The following ZC3H12B variants were observed in gnomAD, a reference collection of about 807,000 sequenced individuals.
ZC3H12B encodes zinc finger CCCH-type containing 12B.
In ZC3H12B, 7 loss-of-function variants were observed where a neutral mutation model predicts 43.9. The observed-to-expected ratio is 0.16, with a 90% CI of 0.09 to 0.30. The LOEUF is 0.30. ZC3H12B is among the 10% of genes least tolerant of loss of function. The probability of loss-of-function intolerance (pLI) is 1.00; values close to 1 mark genes in which losing one functional copy is unlikely to be tolerated. For missense variants in ZC3H12B, 475 were observed against 670.2 expected (o/e 0.71, Z 3.22); for synonymous variants, 222 against 241.7 (o/e 0.92, Z 0.76).
the ZC3H12B span, among the ~76,000 whole-genome samples, chrX:65,198,735 T>C: frequency 8.9e-6 from 1 of 111,974 alleles, no homozygotes; most frequent in South Asian, 3.7e-4. Context: ...GGATATTGAT[T>C]TCTTTCTCTA....
At chrX:65,489,979 G>A (rs760939580) in intron 1 of ZC3H12B, among the ~76,000 whole-genome samples, 3 of 111,524 alleles carry the variant, frequency 2.7e-5, no homozygotes, top group Non-Finnish European at 5.6e-5. Flanking sequence ...GAAGTGGCCT[G>A]CTTTGTATCT....
chrX:65,253,164 G>A, the ZC3H12B span, among the ~76,000 whole-genome samples: 2 of 111,853 alleles, frequency 1.8e-5, no homozygotes, highest in Non-Finnish European at 3.8e-5. Context: ...GAAGGCTCGT[G>A]AACTCAAACC....
chrX:65,371,254 A>T (rs745668208), intron 2 of ZC3H12B, among the ~76,000 whole-genome samples: 2 of 112,127 alleles, frequency 1.8e-5, no homozygotes, highest in Non-Finnish European at 3.8e-5. Context: ...TTACATTTTC[A>T]AAGTATTTTA....
chrX:65,158,806 G>C, the ZC3H12B span, among the ~76,000 whole-genome samples: 1 of 111,835 alleles, frequency 8.9e-6, no homozygotes, highest in Non-Finnish European at 1.9e-5. Context: ...TTTGGCTTTT[G>C]TTGCCATTGC....
chrX:65,490,899 G>A (rs930335003), intron 1 of ZC3H12B, among the ~76,000 whole-genome samples: 6 of 110,899 alleles, frequency 5.4e-5, no homozygotes, highest in African/African-American at 2.0e-4. Context: ...GTTTTCCCAT[G>A]GTATTGGGTG....
At chrX:65,246,811 C>T in the ZC3H12B span, among the ~76,000 whole-genome samples, 5 of 111,877 alleles carry the variant, frequency 4.5e-5, no homozygotes, top group Admixed American at 9.5e-5. Flanking sequence ...TCCTGAAAGA[C>T]AATCTAGGCA....
chrX:65,162,714 T>A, the ZC3H12B span, among the ~76,000 whole-genome samples: 2 of 112,154 alleles, frequency 1.8e-5, no homozygotes, highest in Admixed American at 9.5e-5. Flanking sequence ...TGGTTTGAAT[T>A]TCCTCCTGTA....
chrX:65,445,715 A>G (rs182168994), intron 3 of ZC3H12B, among the ~76,000 whole-genome samples: 23 of 112,282 alleles, frequency 2.0e-4, no homozygotes, highest in Non-Finnish European at 1.5e-4. Context: ...GAATCCAGCC[A>G]AGCTTATGTC....
At chrX:65,469,396 T>G in intron 3 of ZC3H12B, 2 of 457,105 alleles carry the variant, frequency 4.4e-6, no homozygotes, top group South Asian at 6.4e-5. Context: ...TTTGGCACCA[T>G]CAAGCTCAAG....
the ZC3H12B span, among the ~76,000 whole-genome samples, chrX:65,072,557 GT>G: frequency 1.8e-5 from 2 of 111,053 alleles, no homozygotes; most frequent in South Asian, 3.8e-4. Flanking sequence ...CTATGGATGA[GT>G]TTTTTTTTCT....
the ZC3H12B span, among the ~76,000 whole-genome samples, chrX:65,160,831 T>C: frequency 9.0e-6 from 1 of 111,653 alleles, no homozygotes; most frequent in Admixed American, 9.6e-5. Context: ...CTTGCTTTTC[T>C]AGTTCTTTTA....
At chrX:65,108,088 A>T in the ZC3H12B span, among the ~76,000 whole-genome samples, 27 of 111,229 alleles carry the variant, frequency 2.4e-4, no homozygotes, top group Non-Finnish European at 4.2e-4. Flanking sequence ...ACTTATGGTG[A>T]ATGGAGCTTG....
chrX:65,231,664 T>G, the ZC3H12B span, among the ~76,000 whole-genome samples: 1 of 110,876 alleles, frequency 9.0e-6, no homozygotes, highest in Non-Finnish European at 1.9e-5. Context: ...ATCTATAGGT[T>G]TTCTGCAAGA....
intron 1 of ZC3H12B, among the ~76,000 whole-genome samples, chrX:65,495,925 G>A (rs1325493685): frequency 3.6e-5 from 4 of 110,784 alleles, no homozygotes; most frequent in African/African-American, 1.3e-4. Flanking sequence ...GAGGCTGGTC[G>A]CAAATTCCTG....
intron 3 of ZC3H12B, among the ~76,000 whole-genome samples, chrX:65,438,857 A>G (rs1440776321): frequency 8.8e-6 from 1 of 113,022 alleles, no homozygotes; most frequent in Non-Finnish European, 1.9e-5. Flanking sequence ...GCCATTATGG[A>G]CATGTTACAT....
chrX:65,231,680 A>T, the ZC3H12B span, among the ~76,000 whole-genome samples: 1 of 110,903 alleles, frequency 9.0e-6, no homozygotes, highest in Non-Finnish European at 1.9e-5. Context: ...CAAGAAGAAA[A>T]ATATGGCTCT....
At chrX:65,353,923 C>T in the ZC3H12B span, among the ~76,000 whole-genome samples, 8 of 112,116 alleles carry the variant, frequency 7.1e-5, no homozygotes, top group African/African-American at 2.6e-4. Context: ...GATTCCTCCT[C>T]TCTGGGCAGG....
chrX:65,191,656 A>C, the ZC3H12B span, among the ~76,000 whole-genome samples: 4 of 6,953 alleles, frequency 5.8e-4, no homozygotes, highest in South Asian at 0.044. Context: ...TCCCCTTTAT[A>C]ATTTTTTTTT....
At chrX:65,356,547 A>T in the ZC3H12B span, among the ~76,000 whole-genome samples, 1 of 112,351 alleles carries the variant, frequency 8.9e-6, no homozygotes, top group Non-Finnish European at 1.9e-5. Flanking sequence ...TTAATTGCCA[A>T]AAAAATTCCT....
Sources: gnomAD v4.1 joint callset for allele counts (sites outside exome capture counted in the v4.1 genomes callset) on GRCh38, gnomAD v4.1.1 for gene constraint, MANE v1.5 for transcripts, NCBI Gene and HGNC (gene_info 2026-07-23, HGNC 2026-07-21) for gene names.